The following CCM2 variants were observed in gnomAD, a reference collection of about 807,000 sequenced individuals.
CCM2 encodes cerebral cavernous malformations 2 protein.
A neutral mutation model predicts 44.9 loss-of-function variants in CCM2; 25 were observed. That is an observed-to-expected ratio of 0.56 (90% CI 0.41 to 0.78). The LOEUF is 0.78. Ranked by LOEUF, CCM2 falls within the 30% of genes least tolerant of loss-of-function variation. The probability of loss-of-function intolerance (pLI) is 0.00; values close to 1 mark genes in which losing one functional copy is unlikely to be tolerated. For missense variants in CCM2, 481 were observed against 580.6 expected (o/e 0.83, Z 1.76); for synonymous variants, 219 against 241.1 (o/e 0.91, Z 0.85).
chr7:45,003,799 G>A (rs918989906), intron 1 of CCM2, among the ~76,000 whole-genome samples: 12 of 151,704 alleles, frequency 7.9e-5, no homozygotes, highest in African/African-American at 2.2e-4. Flanking sequence ...TCTGGTCTTC[G>A]GTTGCCCCAC....
At chr7:45,003,870 T>C (rs1219025264) in intron 1 of CCM2, among the ~76,000 whole-genome samples, 1 of 152,188 alleles carries the variant, frequency 6.6e-6, no homozygotes. Flanking sequence ...CTAGTTTATT[T>C]GCATTGTTTA....
chr7:45,048,755 G>A (rs974438692), intron 2 of CCM2, among the ~76,000 whole-genome samples: 13 of 149,578 alleles, frequency 8.7e-5, no homozygotes, highest in Admixed American at 4.0e-4. Flanking sequence ...GAGCAAGACT[G>A]TCTAAAAAAA....
At chr7:45,049,138 G>A (rs1337447443) in intron 2 of CCM2, among the ~76,000 whole-genome samples, 1 of 152,028 alleles carries the variant, frequency 6.6e-6, no homozygotes, top group Non-Finnish European at 1.5e-5. Flanking sequence ...GTATTTTTTT[G>A]TGGTGATGGG....
chr7:45,001,274 G>GCTACACC (rs1795614910), intron 1 of CCM2, among the ~76,000 whole-genome samples: 1 of 152,244 alleles, frequency 6.6e-6, no homozygotes, highest in African/African-American at 2.4e-5. Flanking sequence ...GGCCTTCAGG[G>GCTACACC]AGTCCTGTGG....
intron 9 of CCM2, among the ~76,000 whole-genome samples, 196 bp downstream of exon 9, chr7:45,074,604 C>T (rs1286793507): frequency 6.6e-6 from 1 of 152,086 alleles, no homozygotes; most frequent in Non-Finnish European, 1.5e-5. Flanking sequence ...AAGGGCTTTT[C>T]CCAGGTACTG....
intron 2 of CCM2, among the ~76,000 whole-genome samples, chr7:45,043,906 T>C (rs1417351599): frequency 6.6e-6 from 1 of 152,218 alleles, no homozygotes; most frequent in African/African-American, 2.4e-5. Context: ...ATTGGTCCTT[T>C]TTTATAACTC....
intron 2 of CCM2, among the ~76,000 whole-genome samples, chr7:45,042,001 C>T (rs749651023): frequency 1.3e-5 from 2 of 152,106 alleles, no homozygotes; most frequent in African/African-American, 2.4e-5. Context: ...TGTTGTCGAG[C>T]GCCGTGGCCC....
intron 1 of CCM2, among the ~76,000 whole-genome samples, chr7:45,010,500 T>C (rs2128713750): frequency 6.6e-6 from 1 of 152,372 alleles, no homozygotes; most frequent in East Asian, 1.9e-4. Flanking sequence ...CATATATTGC[T>C]GCATGTTTCA....
chr7:45,074,496 G>GT (rs1799250184), intron 9 of CCM2, 88 bp downstream of exon 9: 2 of 1,072,736 alleles, frequency 1.9e-6, no homozygotes, highest in Admixed American at 3.9e-5. Flanking sequence ...GGACCCCTCA[G>GT]TGGGTGCAGC....
intron 1 of CCM2, among the ~76,000 whole-genome samples, chr7:45,006,729 G>A (rs1177810050): frequency 1.3e-5 from 2 of 152,156 alleles, no homozygotes; most frequent in African/African-American, 4.8e-5. Context: ...GTCCTTATAG[G>A]AAGTTATTAG....
At chr7:45,050,307 C>G (rs754787663) in intron 2 of CCM2, among the ~76,000 whole-genome samples, 4 of 152,156 alleles carry the variant, frequency 2.6e-5, no homozygotes, top group Non-Finnish European at 5.9e-5. Context: ...GATGTTCACT[C>G]AATGATGAAA....
intron 2 of CCM2, among the ~76,000 whole-genome samples, chr7:45,058,734 A>G (rs1249158123): frequency 1.3e-5 from 2 of 151,886 alleles, no homozygotes; most frequent in African/African-American, 4.8e-5. Context: ...CTATTGCTAC[A>G]ATCATATGAT....
chr7:45,063,894 A>AT (rs1798640304), intron 2 of CCM2, 24 bp from the exon 3 acceptor site: 5 of 1,542,086 alleles, frequency 3.2e-6, no homozygotes, highest in Non-Finnish European at 3.6e-6. Context: ...TTCTCATGGC[A>AT]TTTTTTTCTT....
At chr7:45,040,024 G>A (rs1323351906) in intron 2 of CCM2, among the ~76,000 whole-genome samples, 1 of 151,602 alleles carries the variant, frequency 6.6e-6, no homozygotes, top group Non-Finnish European at 1.5e-5. Context: ...GAGACTGTAT[G>A]TCAAAAGAAA....
At chr7:45,059,680 G>A (rs1057329766) in intron 2 of CCM2, among the ~76,000 whole-genome samples, 1 of 152,210 alleles carries the variant, frequency 6.6e-6, no homozygotes. Flanking sequence ...TGAGGCTGCA[G>A]TGAGCTGTGA....
chr7:45,053,637 G>A (rs1280193540), intron 2 of CCM2, among the ~76,000 whole-genome samples: 1 of 152,180 alleles, frequency 6.6e-6, no homozygotes, highest in Non-Finnish European at 1.5e-5. Flanking sequence ...TGCTAGGGAA[G>A]GTCTTATTAC....
At position 45,064,004 on chromosome 7, in the gene CCM2, A is replaced by C. The variant is rs773187092; in HGVS notation, c.288+3A>C. On this transcript the variant is annotated splice_donor_region_variant and intron_variant, in intron 3 of 9. Coordinates refer to ENST00000258781, the MANE Select transcript of CCM2 (RefSeq NM_031443.4). ...TGCATTTCATAGACAATGCAAAGGT[A>C]ACCCTATCCTCTTAACCCTGTGCAC... 1 of 1,603,444 alleles carries C rather than the reference A, an allele frequency of 6.2e-7. No individual in the cohort carries two copies. Among genetic ancestry groups the C allele is most frequent in the Non-Finnish European group, 8.5e-7 (1 of 1,170,500 alleles).
intron 2 of CCM2, among the ~76,000 whole-genome samples, chr7:45,040,387 A>AC (rs1797432198): frequency 6.6e-6 from 1 of 152,086 alleles, no homozygotes; most frequent in African/African-American, 2.4e-5. Context: ...TCAAAAAAAA[A>AC]AGTAAAAAAA....
intron 1 of CCM2, among the ~76,000 whole-genome samples, chr7:45,000,643 G>A (rs1583820568): frequency 6.6e-6 from 1 of 152,374 alleles, no homozygotes; most frequent in East Asian, 1.9e-4. Context: ...GGGCTGCAGA[G>A]GAAGTGGGCC....
Sources: allele counts gnomAD v4.1 joint callset (sites outside exome capture counted in the v4.1 genomes callset), GRCh38; gene constraint gnomAD v4.1.1; transcripts MANE v1.5; gene names NCBI Gene and HGNC (gene_info 2026-07-23, HGNC 2026-07-21).